The following SLC9A9 variants were observed in gnomAD, a reference collection of about 807,000 sequenced individuals.
SLC9A9 encodes solute carrier family 9 member A9, also known as sodium/hydrogen exchanger 9.
In SLC9A9, 62 loss-of-function variants were observed where a neutral mutation model predicts 77.8. That is an observed-to-expected ratio of 0.80 (90% confidence interval 0.65 to 0.98). The LOEUF (loss-of-function observed/expected upper bound fraction) is 0.98, where lower values mean the gene tolerates loss of function less well. Ranked by LOEUF, SLC9A9 falls within the 50% of genes least tolerant of loss-of-function variation. The pLI is 0.00. For missense variants in SLC9A9, 775 were observed against 774.9 expected, an observed-to-expected ratio of 1.00 and a Z score of 0.00; for synonymous variants, 320 against 283.5, an observed-to-expected ratio of 1.13 and a Z score of -1.29.
intron 8 of SLC9A9, among the ~76,000 whole-genome samples, chr3:143,554,384 AG>A (rs1432769462): frequency 6.6e-6 from 1 of 152,090 alleles, no homozygotes; most frequent in Non-Finnish European, 1.5e-5. Flanking sequence ...TTTGCTGCCC[AG>A]GGGGAAACTT....
intron 12 of SLC9A9, among the ~76,000 whole-genome samples, chr3:143,430,097 T>C (rs2034484087): frequency 6.6e-6 from 1 of 152,148 alleles, no homozygotes; most frequent in Non-Finnish European, 1.5e-5. Flanking sequence ...GGAGAGGGCA[T>C]TTTCAGTCTT....
At chr3:143,335,735 T>C (rs1332526117) in intron 14 of SLC9A9, among the ~76,000 whole-genome samples, 1 of 152,170 alleles carries the variant, frequency 6.6e-6, no homozygotes, top group Non-Finnish European at 1.5e-5. Flanking sequence ...TGGACCTTTA[T>C]CTTATGCCAT....
intron 9 of SLC9A9, among the ~76,000 whole-genome samples, chr3:143,544,551 A>G (rs761040095): frequency 1.8e-4 from 27 of 152,076 alleles, no homozygotes; most frequent in Non-Finnish European, 3.5e-4. Context: ...TAAGTTTCTT[A>G]TAGATTCTAG....
intron 2 of SLC9A9, among the ~76,000 whole-genome samples, chr3:143,809,631 G>A (rs1206228040): frequency 6.6e-6 from 1 of 152,158 alleles, no homozygotes; most frequent in African/African-American, 2.4e-5. Flanking sequence ...TGTAACATGA[G>A]GAGAAAAAAT....
chr3:143,530,379 A>T (rs2036485690), intron 9 of SLC9A9, among the ~76,000 whole-genome samples: 1 of 150,918 alleles, frequency 6.6e-6, no homozygotes. Context: ...ATAAAGGGAA[A>T]CCCCTTTCGC....
intron 6 of SLC9A9, among the ~76,000 whole-genome samples, chr3:143,599,294 T>C (rs1315617625): frequency 6.6e-6 from 1 of 152,260 alleles, no homozygotes; most frequent in Non-Finnish European, 1.5e-5. Context: ...ATTTTGTTGT[T>C]ACTAAGAGCA....
chr3:143,618,906 G>A (rs563848523), intron 6 of SLC9A9, among the ~76,000 whole-genome samples: 3 of 152,346 alleles, frequency 2.0e-5, no homozygotes, highest in Admixed American at 6.5e-5. Flanking sequence ...CTTCTGAAGA[G>A]AGAATTGGCA....
chr3:143,465,347 A>G (rs2035265359), intron 12 of SLC9A9, among the ~76,000 whole-genome samples: 1 of 152,230 alleles, frequency 6.6e-6, no homozygotes, highest in Non-Finnish European at 1.5e-5. Context: ...CTGCTGGACC[A>G]GATATTAAGG....
chr3:143,495,047 T>C (rs1196949712), intron 10 of SLC9A9, among the ~76,000 whole-genome samples: 2 of 152,258 alleles, frequency 1.3e-5, no homozygotes, highest in Non-Finnish European at 2.9e-5. Flanking sequence ...TGATTCATAA[T>C]TATAGTTAAA....
intron 11 of SLC9A9, among the ~76,000 whole-genome samples, chr3:143,491,057 G>A (rs758509604): frequency 3.0e-4 from 45 of 152,030 alleles, no homozygotes; most frequent in Non-Finnish European, 4.9e-4. Context: ...AGTGCACCTC[G>A]GCCCAAGATG....
intron 7 of SLC9A9, among the ~76,000 whole-genome samples, chr3:143,576,452 T>C (rs150775524): frequency 1.3e-5 from 2 of 152,222 alleles, no homozygotes; most frequent in East Asian, 3.9e-4. Flanking sequence ...GGGTGTAAGG[T>C]GAGGAGGACA....
chr3:143,354,665 C>T (rs951811072), intron 14 of SLC9A9, among the ~76,000 whole-genome samples: 8 of 152,224 alleles, frequency 5.3e-5, no homozygotes, highest in African/African-American at 1.9e-4. Flanking sequence ...AACATTTAAA[C>T]ATTATACTCT....
chr3:143,765,015 CTT>C (rs2007262075), intron 4 of SLC9A9, among the ~76,000 whole-genome samples: 1 of 147,492 alleles, frequency 6.8e-6, no homozygotes, highest in Non-Finnish European at 1.5e-5. Context: ...TTCTTTCTCT[CTT>C]TCTCTTTCTT....
At chr3:143,394,845 A>G (rs544480751) in intron 12 of SLC9A9, among the ~76,000 whole-genome samples, 15 of 152,348 alleles carry the variant, frequency 9.8e-5, no homozygotes, top group African/African-American at 3.4e-4. Flanking sequence ...AATCCCATTC[A>G]CAATTGCTTC....
chr3:143,275,593 A>G (rs1388462804), intron 14 of SLC9A9, among the ~76,000 whole-genome samples: 1 of 152,050 alleles, frequency 6.6e-6, no homozygotes, highest in Non-Finnish European at 1.5e-5. Flanking sequence ...TAAGATATCA[A>G]TTGTGTTTAT....
intron 8 of SLC9A9, among the ~76,000 whole-genome samples, chr3:143,562,609 G>T (rs1331731842): frequency 6.6e-6 from 1 of 151,260 alleles, no homozygotes; most frequent in African/African-American, 2.4e-5. Flanking sequence ...TGCATGTTTT[G>T]TTAGGCCTAG....
intron 9 of SLC9A9, among the ~76,000 whole-genome samples, chr3:143,496,125 A>G (rs1247243148): frequency 6.6e-6 from 1 of 152,258 alleles, no homozygotes; most frequent in African/African-American, 2.4e-5. Flanking sequence ...CAAGAACACA[A>G]TAGATACATC....
rs145720595 is a variant in SLC9A9 at position 143,433,888 on chromosome 3, A to G, written c.1469+33149T>C. 2.0e-3 allele frequency among the ~76,000 whole-genome samples: 306 copies of G among 152,238 alleles called. 2 individuals are homozygous for G. Among genetic ancestry groups the G allele is most frequent in the African/African-American group, 6.7e-3 (280 of 41,554 alleles). The stretch of plus-strand genomic sequence containing the variant: ...GATGGTTTTGAAGTATAGATAACCT[A>G]TATCTTCTATACCTTTGCATGCCAG... On this transcript the variant is annotated intron_variant, in intron 12 of 15. Coordinates refer to ENST00000316549, the MANE Select transcript of SLC9A9 (RefSeq NM_173653.4).
chr3:143,641,487 G>A (rs1429134302), intron 6 of SLC9A9, among the ~76,000 whole-genome samples: 2 of 136,764 alleles, frequency 1.5e-5, no homozygotes, highest in Non-Finnish European at 3.1e-5. Context: ...TCTGCCTCCC[G>A]GGTTCATGCC....
Sources: allele counts gnomAD v4.1 joint callset (sites outside exome capture counted in the v4.1 genomes callset), GRCh38; gene constraint gnomAD v4.1.1; transcripts MANE v1.5; gene names NCBI Gene and HGNC (gene_info 2026-07-23, HGNC 2026-07-21).